Variants in SEZ6L observed in about 807,000 individuals in gnomAD.
SEZ6L encodes the protein seizure related 6 homolog like.
In SEZ6L, 37 loss-of-function variants were observed where a neutral mutation model predicts 106.2. The observed-to-expected ratio is 0.35, with a 90% CI of 0.27 to 0.46. SEZ6L has a LOEUF of 0.46. Ranked by LOEUF, SEZ6L falls within the 20% of genes least tolerant of loss-of-function variation. SEZ6L has a pLI of 1.00. For synonymous variants in SEZ6L, 541 were observed against 570.4 expected (o/e 0.95, Z 0.73); for missense variants, 1,172 against 1,332.8 (o/e 0.88, Z 1.88).
intron 1 of SEZ6L, among the ~76,000 whole-genome samples, chr22:26,246,224 T>C (rs996946454): frequency 6.6e-6 from 1 of 152,194 alleles, no homozygotes; most frequent in Non-Finnish European, 1.5e-5. Context: ...CTAAATTCAA[T>C]TGAGAATCCT....
chr22:26,348,626 A>AAG (rs1305911070), intron 11 of SEZ6L, among the ~76,000 whole-genome samples: 19 of 34,786 alleles, frequency 5.5e-4, no homozygotes, highest in African/African-American at 3.1e-3. Context: ...GAAAGAAAGA[A>AAG]AGAAAGAAAG....
rs144754610 is a variant in SEZ6L, at chr22:26,176,529, G to T, written c.94+6766G>T. Among the ~76,000 whole-genome samples the T allele has an allele frequency of 5.4e-4, 83 of 152,336 alleles. 1 individual carries two copies. The East Asian group carries it at 0.014, about 27-fold the overall frequency. The stretch of plus-strand genomic sequence containing the variant: ...TCATCTTACTCATGCTATTCCTGCA[G>T]CCTGGACTGTCATCCTAGAGGAGCG... On this transcript the variant is annotated intron_variant, in intron 1 of 16. Coordinates refer to ENST00000248933, the MANE Select transcript of SEZ6L (RefSeq NM_021115.5).
chr22:26,201,419 G>T (rs890349385), intron 1 of SEZ6L, among the ~76,000 whole-genome samples: 8 of 150,522 alleles, frequency 5.3e-5, no homozygotes, highest in African/African-American at 2.0e-4. Flanking sequence ...AAATTTGCCG[G>T]GTATGGTGGC....
At chr22:26,369,862 C>A (rs913888139) in intron 13 of SEZ6L, among the ~76,000 whole-genome samples, 14 of 152,142 alleles carry the variant, frequency 9.2e-5, no homozygotes, top group South Asian at 8.3e-4. Flanking sequence ...AGGGATCTGT[C>A]CACCTCAGCC....
At chr22:26,324,057 T>C (rs1209583568) in intron 9 of SEZ6L, among the ~76,000 whole-genome samples, 1 of 125,626 alleles carries the variant, frequency 8.0e-6, no homozygotes, top group Non-Finnish European at 1.6e-5. Context: ...CCAAAGCCAG[T>C]TTTTAACCAC....
At chr22:26,175,638 G>T (rs924690390) in intron 1 of SEZ6L, among the ~76,000 whole-genome samples, 3 of 152,104 alleles carry the variant, frequency 2.0e-5, no homozygotes, top group Non-Finnish European at 4.4e-5. Context: ...AGAAGACCTC[G>T]TAAAAGAGAG....
intron 12 of SEZ6L, among the ~76,000 whole-genome samples, chr22:26,360,978 G>A (rs766739990): frequency 3.9e-5 from 6 of 152,090 alleles, no homozygotes; most frequent in Non-Finnish European, 5.9e-5. Flanking sequence ...TTGTGCACCG[G>A]GCTGCACTTC....
chr22:26,325,591 C>A (rs2082281973), intron 9 of SEZ6L, among the ~76,000 whole-genome samples: 1 of 152,160 alleles, frequency 6.6e-6, no homozygotes, highest in Non-Finnish European at 1.5e-5. Flanking sequence ...CTGGAAAGAT[C>A]TTGAATTCCT....
chr22:26,188,478 C>A (rs2145649365), intron 1 of SEZ6L, among the ~76,000 whole-genome samples: 1 of 152,282 alleles, frequency 6.6e-6, no homozygotes, highest in South Asian at 2.1e-4. Flanking sequence ...CTTCTCCCAC[C>A]ATGGGAGCTG....
At chr22:26,173,225 T>A (rs1938744621) in intron 1 of SEZ6L, among the ~76,000 whole-genome samples, 1 of 152,234 alleles carries the variant, frequency 6.6e-6, no homozygotes, top group Non-Finnish European at 1.5e-5. Flanking sequence ...ATTTCTTTCT[T>A]TCCCTGCTTT....
intron 7 of SEZ6L, 29 bp from the exon 8 acceptor site, chr22:26,311,739 G>GA (rs746042849): frequency 1.2e-6 from 2 of 1,601,740 alleles, no homozygotes; most frequent in Non-Finnish European, 1.7e-6. Flanking sequence ...TGCATCATCT[G>GA]AACTGCTGCC....
chr22:26,336,420 C>T (rs2145979478), intron 9 of SEZ6L, among the ~76,000 whole-genome samples: 2 of 152,296 alleles, frequency 1.3e-5, no homozygotes, highest in Middle Eastern at 6.8e-3. Flanking sequence ...CATTTCCCCA[C>T]CAGTGCTGCC....
At chr22:26,257,837 A>G (rs944592983) in intron 1 of SEZ6L, among the ~76,000 whole-genome samples, 1 of 152,230 alleles carries the variant, frequency 6.6e-6, no homozygotes, top group Non-Finnish European at 1.5e-5. Flanking sequence ...GACAGCATTC[A>G]GAGTCTTATA....
Position 26,199,952 on chromosome 22 carries a change from G to A in SEZ6L, c.94+30189G>A, listed in dbSNP as rs185487697. On this transcript the variant is annotated intron_variant, in intron 1 of 16. Coordinates refer to ENST00000248933, the MANE Select transcript of SEZ6L (RefSeq NM_021115.5). ...AGGTGCTTGGCTGAGCATTTCACAT[G>A]AGTTGGCCCGTTTAAATCTCACAAC... is the stretch of plus-strand genomic sequence containing the variant. Among the ~76,000 whole-genome samples the A allele has an allele frequency of 6.0e-4, 91 of 152,308 alleles. 1 individual carries two copies. Among genetic ancestry groups the A allele is most frequent in the African/African-American group, 2.1e-3 (86 of 41,560 alleles).
At chr22:26,312,716 G>A (rs776075124) in intron 8 of SEZ6L, among the ~76,000 whole-genome samples, 6 of 152,314 alleles carry the variant, frequency 3.9e-5, no homozygotes, top group Non-Finnish European at 5.9e-5. Flanking sequence ...GACTACAGGC[G>A]TGTGCCACCA....
intron 1 of SEZ6L, among the ~76,000 whole-genome samples, chr22:26,274,167 C>A (rs1601341957): frequency 6.6e-6 from 1 of 152,210 alleles, no homozygotes; most frequent in Non-Finnish European, 1.5e-5. Flanking sequence ...CTAAAGTGAT[C>A]TAAGCTTCAG....
intron 12 of SEZ6L, among the ~76,000 whole-genome samples, chr22:26,363,582 G>A (rs1266077004): frequency 6.6e-6 from 1 of 152,216 alleles, no homozygotes; most frequent in Admixed American, 6.5e-5. Flanking sequence ...CAGAATTCAT[G>A]CCTTTGGGGA....
At chr22:26,347,442 C>T (rs1466389566) in intron 10 of SEZ6L, among the ~76,000 whole-genome samples, 2 of 151,938 alleles carry the variant, frequency 1.3e-5, no homozygotes, top group African/African-American at 4.8e-5. Flanking sequence ...CCCGTCACAC[C>T]GTTAATAAGT....
At chr22:26,335,037 C>T (rs1474844926) in intron 9 of SEZ6L, among the ~76,000 whole-genome samples, 1 of 152,200 alleles carries the variant, frequency 6.6e-6, no homozygotes, top group Non-Finnish European at 1.5e-5. Context: ...CCCTGTGGCT[C>T]TCCCTGCAGT....
Sources: gnomAD v4.1 joint callset for allele counts (sites outside exome capture counted in the v4.1 genomes callset) on GRCh38, gnomAD v4.1.1 for gene constraint, MANE v1.5 for transcripts, NCBI Gene and HGNC (gene_info 2026-07-23, HGNC 2026-07-21) for gene names.